Variants in CREB5 observed in about 807,000 individuals in gnomAD.
The protein encoded by CREB5 is cyclic AMP-responsive element-binding protein 5.
In CREB5, 19 loss-of-function variants were observed where a neutral mutation model predicts 57.1. The observed-to-expected ratio is 0.33, with a 90% CI of 0.23 to 0.49. The LOEUF is 0.49. CREB5 is among the 20% of genes least tolerant of loss of function. The probability of loss-of-function intolerance (pLI) is 0.99; values close to 1 mark genes in which losing one functional copy is unlikely to be tolerated. For synonymous variants in CREB5, 238 were observed against 238.3 expected (o/e 1.00, Z 0.01); for missense variants, 579 against 671.6 (o/e 0.86, Z 1.52).
At chr7:28,578,784 ACTAT>A (rs1423568473) in intron 5 of CREB5, among the ~76,000 whole-genome samples, 3 of 152,238 alleles carry the variant, frequency 2.0e-5, no homozygotes, top group Admixed American at 6.5e-5. Context: ...CAGCTTCTTT[ACTAT>A]CTATTTTTCA....
intron 5 of CREB5, among the ~76,000 whole-genome samples, chr7:28,717,743 G>A (rs908133892): frequency 2.0e-5 from 3 of 152,178 alleles, no homozygotes; most frequent in South Asian, 4.1e-4. Context: ...TCAGGAGAAG[G>A]TTGTTTAACA....
intron 5 of CREB5, among the ~76,000 whole-genome samples, chr7:28,654,154 T>C (rs1034307438): frequency 6.6e-6 from 1 of 152,206 alleles, no homozygotes; most frequent in Admixed American, 6.5e-5. Context: ...ATGTTGCCTC[T>C]TTATCCAAAC....
chr7:28,643,799 G>T (rs1798784179), intron 5 of CREB5, among the ~76,000 whole-genome samples: 1 of 151,596 alleles, frequency 6.6e-6, no homozygotes, highest in Non-Finnish European at 1.5e-5. Context: ...TGGAGTCCTG[G>T]CTGGGTGTGG....
At chr7:28,330,454 T>C (rs545790687) in intron 1 of CREB5, among the ~76,000 whole-genome samples, 1 of 144,330 alleles carries the variant, frequency 6.9e-6, no homozygotes, top group East Asian at 2.2e-4. Context: ...GAGGAACCTT[T>C]TCTCCCTAAT....
chr7:28,644,828 G>T (rs116694694), intron 5 of CREB5, among the ~76,000 whole-genome samples: 1,895 of 152,108 alleles, frequency 0.012, 30 homozygotes, highest in African/African-American at 0.043. Context: ...TAGTTTTGTT[G>T]TCCCACCAAT....
chr7:28,344,664 A>C (rs900525157), intron 1 of CREB5, among the ~76,000 whole-genome samples: 1 of 152,154 alleles, frequency 6.6e-6, no homozygotes, highest in African/African-American at 2.4e-5. Flanking sequence ...CTTATCTATC[A>C]ATAATTATTT....
rs1242742112 is a variant in CREB5, at chr7:28,819,175, C to T, written c.1423C>T (p.Gln475Ter). 3 of 1,613,672 alleles carry T rather than the reference C, an allele frequency of 1.9e-6. No homozygotes were observed. The highest frequency in any genetic ancestry group is 2.5e-6 in the Non-Finnish European group (3 of 1,179,818). ...AGCTTGCTCCCAGCAACAAGTCATC[C>T]AGCATAATACCATCACTACTTCCTC... ...VPACSQQQVI[Q>*]HNTITTSSSV... The change falls in exon 11 of 11, where the codon CAG (glutamine) becomes TAG (stop). Residue 475 changes from glutamine to a stop codon, truncating the protein, a stop_gained. Transcript: ENST00000357727. LOFTEE classifies it high-confidence loss of function.
intron 5 of CREB5, among the ~76,000 whole-genome samples, chr7:28,700,770 A>G (rs1801813897): frequency 6.6e-6 from 1 of 152,098 alleles, no homozygotes; most frequent in Non-Finnish European, 1.5e-5. Context: ...CTTTCGATAA[A>G]AATAGAAGCT....
At chr7:28,808,122 G>A (rs147016723) in intron 8 of CREB5, among the ~76,000 whole-genome samples, 1 of 152,326 alleles carries the variant, frequency 6.6e-6, no homozygotes, top group Non-Finnish European at 1.5e-5. Context: ...CAGTGTGACA[G>A]GGCTCAGTGC....
intron 4 of CREB5, among the ~76,000 whole-genome samples, chr7:28,552,556 C>T (rs1414628695): frequency 6.6e-6 from 1 of 152,208 alleles, no homozygotes. Flanking sequence ...TGGCCATCAG[C>T]AGATAGCAAC....
At chr7:28,482,459 G>T (rs1313189349) in intron 1 of CREB5, among the ~76,000 whole-genome samples, 2 of 152,188 alleles carry the variant, frequency 1.3e-5, no homozygotes, top group Non-Finnish European at 2.9e-5. Context: ...AACAACATTT[G>T]TTCCTAGGAA....
chr7:28,643,755 G>GGT (rs1554279442), intron 5 of CREB5, among the ~76,000 whole-genome samples: 4 of 104,594 alleles, frequency 3.8e-5, no homozygotes, highest in African/African-American at 9.0e-5. Context: ...GGGAGGTGGG[G>GGT]GGGGGCGGAA....
At chr7:28,812,796 T>C (rs1259917052) in intron 9 of CREB5, among the ~76,000 whole-genome samples, 1 of 152,102 alleles carries the variant, frequency 6.6e-6, no homozygotes, top group Admixed American at 6.5e-5. Context: ...AAGAAAAAGG[T>C]GTCTCTCTTG....
At chr7:28,780,704 A>G (rs1463782399) in intron 7 of CREB5, among the ~76,000 whole-genome samples, 2 of 152,178 alleles carry the variant, frequency 1.3e-5, no homozygotes. Flanking sequence ...CCTGGGCCAC[A>G]GATTCAAAAT....
intron 5 of CREB5, among the ~76,000 whole-genome samples, chr7:28,594,531 C>T (rs1583681846): frequency 6.6e-6 from 1 of 152,128 alleles, no homozygotes; most frequent in Admixed American, 6.5e-5. Context: ...CCTCCTGATT[C>T]CCCCAGGCTG....
chr7:28,543,282 A>C (rs193283866), intron 4 of CREB5, among the ~76,000 whole-genome samples: 9 of 152,312 alleles, frequency 5.9e-5, no homozygotes, highest in African/African-American at 2.2e-4. Flanking sequence ...TGCTTCCCCC[A>C]CAGGTGATCC....
chr7:28,661,535 A>G (rs531805106), intron 5 of CREB5, among the ~76,000 whole-genome samples: 6 of 150,712 alleles, frequency 4.0e-5, no homozygotes, highest in East Asian at 2.0e-4. Context: ...TACATCATCT[A>G]TCTTTTTCTC....
chr7:28,705,073 C>A (rs1281679103), intron 5 of CREB5, among the ~76,000 whole-genome samples: 1 of 152,116 alleles, frequency 6.6e-6, no homozygotes, highest in African/African-American at 2.4e-5. Context: ...AAGAAAAAAA[C>A]CAAGCTATCG....
chr7:28,770,099 GTC>G (rs1431377957), intron 7 of CREB5, among the ~76,000 whole-genome samples: 1 of 152,216 alleles, frequency 6.6e-6, no homozygotes, highest in Admixed American at 6.5e-5. Context: ...CCGCATTCCT[GTC>G]TCTAATGGAA....
Sources: gnomAD v4.1 joint callset for allele counts (sites outside exome capture counted in the v4.1 genomes callset) on GRCh38, gnomAD v4.1.1 for gene constraint, MANE v1.5 for transcripts, NCBI Gene and HGNC (gene_info 2026-07-23, HGNC 2026-07-21) for gene names.